Variants in SDK1 observed in about 807,000 individuals in gnomAD.
SDK1 encodes protein sidekick-1.
Under a neutral mutation model 245.5 loss-of-function variants are expected in SDK1, and 157 were observed. The observed-to-expected ratio is 0.64, with a 90% CI of 0.56 to 0.73. SDK1 has a LOEUF of 0.73. SDK1 is among the 30% of genes least tolerant of loss of function. The pLI is 0.00. For missense variants in SDK1, 3,583 were observed against 3,002.3 expected (o/e 1.19, Z -4.52); for synonymous variants, 1,647 against 1,278.5 (o/e 1.29, Z -6.15).
chr7:4,081,472 T>C (rs565970947), intron 22 of SDK1, among the ~76,000 whole-genome samples: 1 of 151,822 alleles, frequency 6.6e-6, no homozygotes, highest in Non-Finnish European at 1.5e-5. Flanking sequence ...CAAGCTGGAG[T>C]GCAGTGGCGC....
chr7:3,584,554 G>T (rs946317322), intron 1 of SDK1, among the ~76,000 whole-genome samples: 7 of 152,168 alleles, frequency 4.6e-5, no homozygotes, highest in Non-Finnish European at 7.3e-5. Flanking sequence ...AACCAGGAAG[G>T]ATCCTGGCCA....
chr7:3,503,800 G>A (rs1782296798), intron 1 of SDK1, among the ~76,000 whole-genome samples: 1 of 152,120 alleles, frequency 6.6e-6, no homozygotes, highest in East Asian at 1.9e-4. Flanking sequence ...AATCGAAGAT[G>A]TAAGTAAATG....
chr7:4,175,625 T>C (rs1584371535), intron 33 of SDK1, 150 bp from the exon 34 acceptor site: 1 of 716,372 alleles, frequency 1.4e-6, no homozygotes, highest in Admixed American at 1.8e-5. Flanking sequence ...GCTTGGGCGG[T>C]AGCGGGGTCT....
chr7:4,015,444 T>C (rs1251125611), intron 16 of SDK1, among the ~76,000 whole-genome samples: 1 of 152,216 alleles, frequency 6.6e-6, no homozygotes, highest in Non-Finnish European at 1.5e-5. Flanking sequence ...TTTTCCCAAA[T>C]GGCTGTCTCA....
intron 4 of SDK1, among the ~76,000 whole-genome samples, chr7:3,760,940 C>G (rs1052188662): frequency 7.2e-5 from 11 of 152,162 alleles, no homozygotes; most frequent in African/African-American, 2.7e-4. Flanking sequence ...ATTTGTTGAA[C>G]TCTTCATCTG....
intron 17 of SDK1, among the ~76,000 whole-genome samples, chr7:4,027,133 AGAG>A (rs1483919258): frequency 6.6e-6 from 1 of 152,230 alleles, no homozygotes; most frequent in African/African-American, 2.4e-5. Flanking sequence ...CTGGCTTGCT[AGAG>A]GAGATCGGAG....
chr7:3,501,067 A>T lies in SDK1; in HGVS notation c.299-118013A>T, dbSNP rs949795581. ...CTTCTCTGTTAAAGGCTTTTCTTAGATGACTGTTCATTGTATATGTGCTTA... is the reference window on the plus strand; with the variant it reads ...CTTCTCTGTTAAAGGCTTTTCTTAGTTGACTGTTCATTGTATATGTGCTTA... On this transcript the variant is annotated intron_variant, in intron 1 of 44. Transcript: ENST00000404826. Among the ~76,000 whole-genome samples the T allele has an allele frequency of 3.3e-5, 5 of 152,290 alleles. No individual in the cohort carries two copies. In the South Asian group the frequency reaches 8.3e-4, roughly 25 times the overall value.
chr7:3,484,279 A>C (rs1781608978), intron 1 of SDK1, among the ~76,000 whole-genome samples: 1 of 152,198 alleles, frequency 6.6e-6, no homozygotes, highest in African/African-American at 2.4e-5. Context: ...GCATGGGTCC[A>C]TGTATACACA....
rs140888132 is a variant in SDK1 at position 3,969,263 on chromosome 7, A to G, written c.1553A>G (p.His518Arg). 3.3e-5 allele frequency: 53 copies of G among 1,594,380 alleles called. No individual in the cohort carries two copies. Among genetic ancestry groups the G allele is most frequent in the East Asian group, 1.1e-4 (5 of 43,788 alleles). Residue 518 changes from histidine (H) to arginine (R), a missense_variant, in exon 11 of 45, where the codon CAC (histidine) becomes CGC (arginine). Physicochemically the swap from His to Arg is conservative, Grantham distance 29. Transcript: ENST00000404826. ...KPAITWKRENHILASGSVRIP... is the reference protein window; with the variant it reads ...KPAITWKRENRILASGSVRIP... Reference sequence around the variant, plus strand: ...TTTCTCCACTGTTCTTTAGAAAACCACATTCTGGCCAGTGGCTCTGTCCGG... The same window carrying G: ...TTTCTCCACTGTTCTTTAGAAAACCGCATTCTGGCCAGTGGCTCTGTCCGG...
At chr7:3,647,642 C>G (rs190208648) in intron 4 of SDK1, among the ~76,000 whole-genome samples, 9 of 152,240 alleles carry the variant, frequency 5.9e-5, no homozygotes, top group Non-Finnish European at 7.4e-5. Context: ...GTTGCCCAGG[C>G]TGGTCTCGAA....
rs113602212 is a variant in SDK1 at position 3,313,030 on chromosome 7, T to A, written c.298+11146T>A. Among the ~76,000 whole-genome samples the A allele has an allele frequency of 2.0e-4, 31 of 152,232 alleles. 2 individuals are homozygous for A. Among genetic ancestry groups the A allele is most frequent in the Admixed American group, 5.2e-4 (8 of 15,300 alleles). On this transcript the variant is annotated intron_variant, in intron 1 of 44. Transcript: ENST00000404826. ...GCATTTTGTTCATAGCAGAAGATGA[T>A]TGAATAATAACATCAAAGGCTGGAA...
intron 4 of SDK1, among the ~76,000 whole-genome samples, chr7:3,778,659 C>T (rs1044484024): frequency 2.6e-5 from 4 of 152,178 alleles, no homozygotes; most frequent in Admixed American, 1.3e-4. Flanking sequence ...TTAGATCAAA[C>T]GTGAATCCAC....
intron 1 of SDK1, among the ~76,000 whole-genome samples, chr7:3,493,635 T>C (rs960011878): frequency 7.2e-5 from 11 of 152,242 alleles, no homozygotes; most frequent in African/African-American, 2.7e-4. Context: ...TTAGGAATGT[T>C]ATCTTCATGA....
At chr7:3,745,473 A>G (rs1413877564) in intron 4 of SDK1, among the ~76,000 whole-genome samples, 1 of 152,186 alleles carries the variant, frequency 6.6e-6, no homozygotes, top group African/African-American at 2.4e-5. Flanking sequence ...CATTTATATA[A>G]TACTGTTAAC....
intron 1 of SDK1, among the ~76,000 whole-genome samples, chr7:3,497,614 C>G (rs1222656532): frequency 2.0e-5 from 3 of 152,078 alleles, no homozygotes; most frequent in Non-Finnish European, 4.4e-5. Context: ...ATGGTAATAT[C>G]CTCCCTGATA....
intron 19 of SDK1, among the ~76,000 whole-genome samples, chr7:4,066,333 G>A (rs899863037): frequency 3.3e-5 from 5 of 152,190 alleles, no homozygotes; most frequent in Non-Finnish European, 7.4e-5. Context: ...GTTTGTGTTT[G>A]CTGCTGAGAT....
At chr7:3,520,215 T>G (rs1390778753) in intron 1 of SDK1, among the ~76,000 whole-genome samples, 1 of 152,164 alleles carries the variant, frequency 6.6e-6, no homozygotes, top group Non-Finnish European at 1.5e-5. Context: ...GTAAGTGACA[T>G]GGTTTAAGGG....
Position 4,101,044 on chromosome 7 carries a change from C to A in SDK1, c.3325-9619C>A, listed in dbSNP as rs536493520. The stretch of plus-strand genomic sequence containing the variant: ...GGGGTCTCCTTTAGGCCAGTGCTCT[C>A]CGCACTGGTTGCCAGAGAGGCCGCC... On this transcript the variant is annotated intron_variant, in intron 22 of 44. Coordinates refer to ENST00000404826, the MANE Select transcript of SDK1 (RefSeq NM_152744.4). Among the ~76,000 whole-genome samples, 2 of 152,366 alleles carry A rather than the reference C, an allele frequency of 1.3e-5. 1 individual carries two copies. Among genetic ancestry groups the A allele is most frequent in the African/African-American group, 4.8e-5 (2 of 41,596 alleles).
intron 30 of SDK1, among the ~76,000 whole-genome samples, chr7:4,153,256 T>C (rs945733980): frequency 1.3e-5 from 2 of 151,842 alleles, no homozygotes; most frequent in African/African-American, 4.8e-5. Flanking sequence ...TTTTTCTTTT[T>C]CCGTATAATG....
Sources: allele counts gnomAD v4.1 joint callset (sites outside exome capture counted in the v4.1 genomes callset), GRCh38; gene constraint gnomAD v4.1.1; transcripts MANE v1.5; gene names NCBI Gene and HGNC (gene_info 2026-07-23, HGNC 2026-07-21).